Variants in EMID1 observed in about 807,000 individuals in gnomAD.
The protein encoded by EMID1 is EMI domain-containing protein 1.
EMID1 carries 40 observed loss-of-function variants against 60.6 expected under a neutral mutation model. The ratio of observed to expected loss-of-function variants is 0.66; its 90% CI spans 0.51 to 0.86. The LOEUF (loss-of-function observed/expected upper bound fraction) is 0.86. Among genes scored for constraint, EMID1 ranks in the 40% least tolerant of loss-of-function variants. The pLI is 0.00. For missense variants in EMID1, 585 were observed against 597.1 expected, an observed-to-expected ratio of 0.98 and a Z score of 0.21; for synonymous variants, 242 against 231.0, an observed-to-expected ratio of 1.05 and a Z score of -0.43.
At chr22:29,243,101 C>T (rs5763087) in intron 12 of EMID1, among the ~76,000 whole-genome samples, 20,437 of 151,936 alleles carry the variant, frequency 0.13, 1,588 homozygotes, top group East Asian at 0.23. Context: ...CAACCTCAAC[C>T]TCTGATTCCT....
At chr22:29,240,130 A>G (rs1602010889) in intron 12 of EMID1, among the ~76,000 whole-genome samples, 1 of 152,152 alleles carries the variant, frequency 6.6e-6, no homozygotes, top group East Asian at 1.9e-4. Context: ...CAGTCTTTAG[A>G]TGAGCTTGTG....
chr22:29,218,587 A>G (rs1420463793), intron 3 of EMID1, among the ~76,000 whole-genome samples: 2 of 152,118 alleles, frequency 1.3e-5, no homozygotes, highest in Non-Finnish European at 1.5e-5. Context: ...ATCAGAAACA[A>G]TAGGGCTTAT....
intron 13 of EMID1, among the ~76,000 whole-genome samples, chr22:29,250,726 C>T (rs1425957107): frequency 9.9e-6 from 1 of 100,714 alleles, no homozygotes; most frequent in Non-Finnish European, 2.5e-5. Context: ...ACCACCACAC[C>T]CGGCTAATTT....
intron 3 of EMID1, chr22:29,216,558 A>G: frequency 3.0e-6 from 3 of 985,456 alleles, no homozygotes; most frequent in Non-Finnish European, 3.6e-6. Context: ...ATATACCCCA[A>G]TTCCGGAAAC....
chr22:29,221,501 C>T (rs1011075366), intron 3 of EMID1, among the ~76,000 whole-genome samples: 1 of 152,178 alleles, frequency 6.6e-6, no homozygotes, highest in East Asian at 1.9e-4. Context: ...CAGCCTCCCG[C>T]GTAGCTGGGA....
chr22:29,225,409 G>A (rs903600568), intron 4 of EMID1, among the ~76,000 whole-genome samples, 193 bp downstream of exon 4: 2 of 152,224 alleles, frequency 1.3e-5, no homozygotes, highest in Non-Finnish European at 2.9e-5. Flanking sequence ...ACCCTAGAGG[G>A]TCATCTGACC....
chr22:29,259,387 C>T lies in EMID1; in HGVS notation c.*443C>T. 1 of 175,838 alleles carries T rather than the reference C, an allele frequency of 5.7e-6. No homozygotes were observed. Among genetic ancestry groups the T allele is most frequent in the Non-Finnish European group, 1.2e-5 (1 of 83,918 alleles). 10.9% of individuals were successfully genotyped at this position (175,838 alleles called of 1,614,324 possible). A position where few individuals can be genotyped will look rare whatever the true frequency, so the allele number is the denominator to read the frequency against. On this transcript the variant is annotated 3_prime_UTR_variant, in exon 15 of 15. Coordinates refer to ENST00000334018, the MANE Select transcript of EMID1 (RefSeq NM_133455.4). ...CCTTGTTGTCCAGTGCTGGGCTCCC[C>T]ACCCCGAGGTCAGGCTGCCCAATCC... is the stretch of plus-strand genomic sequence containing the variant.
intron 14 of EMID1, among the ~76,000 whole-genome samples, chr22:29,257,661 C>G (rs1329724402): frequency 1.3e-5 from 2 of 152,240 alleles, no homozygotes; most frequent in South Asian, 4.1e-4. Flanking sequence ...CGACACCAAC[C>G]TAGTAACCAT....
intron 14 of EMID1, among the ~76,000 whole-genome samples, chr22:29,257,230 G>A (rs914315762): frequency 6.6e-6 from 1 of 152,216 alleles, no homozygotes; most frequent in South Asian, 2.1e-4. Context: ...ATGGGACAGG[G>A]AAGGAGGTGG....
At position 29,257,257 on chromosome 22, in the gene EMID1, G is replaced by A. The variant is rs529311349; in HGVS notation, c.1205-1560G>A. Reference sequence around the variant, plus strand: ...AGGAGGTGGGACCCTCCCCATTGGCGCAACATACACATCAGGTGCTACTGA... The same window carrying A: ...AGGAGGTGGGACCCTCCCCATTGGCACAACATACACATCAGGTGCTACTGA... On this transcript the variant is annotated intron_variant, in intron 14 of 14. Coordinates refer to ENST00000334018, the MANE Select transcript of EMID1 (RefSeq NM_133455.4). 8.5e-5 allele frequency among the ~76,000 whole-genome samples: 13 copies of A among 152,254 alleles called. No individual in the cohort carries two copies. In the East Asian group the frequency reaches 1.7e-3, roughly 20 times the overall value.
At chr22:29,257,778 C>T (rs998626751) in intron 14 of EMID1, among the ~76,000 whole-genome samples, 12 of 152,216 alleles carry the variant, frequency 7.9e-5, no homozygotes, top group African/African-American at 2.4e-4. Flanking sequence ...TTCCAGATGA[C>T]GCTCAGAGGT....
intron 1 of EMID1, among the ~76,000 whole-genome samples, chr22:29,207,210 G>T (rs2146078217): frequency 6.6e-6 from 1 of 152,352 alleles, no homozygotes; most frequent in Middle Eastern, 3.4e-3. Context: ...GAGGACGGAG[G>T]TGGTTGAAGC....
chr22:29,235,206 G>A (rs1042874178), intron 12 of EMID1, among the ~76,000 whole-genome samples: 10 of 152,018 alleles, frequency 6.6e-5, no homozygotes, highest in African/African-American at 2.2e-4. Context: ...AAATTAGCCA[G>A]GCATGGTGGT....
rs189195688 is a variant in EMID1, at chr22:29,208,923, C to A, written c.101+2784C>A. ...CCCCCGCTGGAGGAAATTCTGCTGTCCCCATTTGCAGATGGACAAAATGAG... is the reference window on the plus strand; with the variant it reads ...CCCCCGCTGGAGGAAATTCTGCTGTACCCATTTGCAGATGGACAAAATGAG... On this transcript the variant is annotated intron_variant, in intron 1 of 14. Transcript: ENST00000334018. Among the ~76,000 whole-genome samples, 137 of 152,288 alleles carry A rather than the reference C, an allele frequency of 9.0e-4. 1 individual carries two copies. The highest frequency in any genetic ancestry group is 6.8e-3 in the Middle Eastern group (2 of 294).
chr22:29,227,436 G>A lies in EMID1; in HGVS notation c.465+885G>A, dbSNP rs543685536. On this transcript the variant is annotated intron_variant, in intron 5 of 14. Coordinates refer to ENST00000334018, the MANE Select transcript of EMID1 (RefSeq NM_133455.4). ...ATTAAAAAGTACTGCTTGGCGCAGC[G>A]GCTCACACCTGTAATCTCCATACTT... is the stretch of plus-strand genomic sequence containing the variant. 1.1e-4 allele frequency among the ~76,000 whole-genome samples: 16 copies of A among 151,618 alleles called. No individual in the cohort carries two copies. The South Asian group carries it at 3.3e-3, about 31-fold the overall frequency.
chr22:29,248,798 G>A (rs12170170), intron 13 of EMID1, among the ~76,000 whole-genome samples: 1 of 125,758 alleles, frequency 8.0e-6, no homozygotes, highest in Non-Finnish European at 1.7e-5. Context: ...ACGAGATCAC[G>A]CCACTGCACT....
chr22:29,258,795 C>T (rs111911300), intron 14 of EMID1, 22 bp from the exon 15 acceptor site: 21 of 1,612,642 alleles, frequency 1.3e-5, no homozygotes, highest in African/African-American at 9.3e-5. Context: ...AATGTGGCCT[C>T]TCTCCTTCTT....
In EMID1 at chr22:29,221,066, C is replaced by CGTGTGTGT. The variant is rs59651061; in HGVS notation, c.320-4016_320-4009dup. ...ATTAGGGGAGGGCATGGGGTGGGAA[C>CGTGTGTGT]GTGTGTGTGTGTGTGTGTGTGTGTG... On this transcript the variant is annotated intron_variant, in intron 3 of 14. Coordinates refer to ENST00000334018, the MANE Select transcript of EMID1 (RefSeq NM_133455.4). 1.2e-3 allele frequency among the ~76,000 whole-genome samples: 121 copies of CGTGTGTGT among 100,048 alleles called. 4 individuals are homozygous for CGTGTGTGT. The highest frequency in any genetic ancestry group is 3.0e-3 in the African/African-American group (79 of 26,258). The allele number at this position is 100,048 out of a possible 152,430, so 65.6% of individuals were successfully genotyped here.
chr22:29,235,047 T>A (rs996264946), intron 12 of EMID1, among the ~76,000 whole-genome samples: 11 of 151,990 alleles, frequency 7.2e-5, no homozygotes, highest in African/African-American at 2.7e-4. Flanking sequence ...ATAAATTTTA[T>A]TAAATGTAAG....
Sources: allele counts gnomAD v4.1 joint callset (sites outside exome capture counted in the v4.1 genomes callset), GRCh38; gene constraint gnomAD v4.1.1; transcripts MANE v1.5; gene names NCBI Gene and HGNC (gene_info 2026-07-23, HGNC 2026-07-21).